The following TRAPPC9 variants were observed in gnomAD, a reference collection of about 807,000 sequenced individuals.
TRAPPC9 encodes the protein trafficking protein particle complex subunit 9, also known as IKK2 binding protein.
In TRAPPC9, 83 loss-of-function variants were observed where a neutral mutation model predicts 124.0. The observed-to-expected ratio is 0.67, with a 90% CI of 0.56 to 0.80. TRAPPC9 has a LOEUF of 0.80. Among genes scored for constraint, TRAPPC9 ranks in the 30% least tolerant of loss-of-function variants. TRAPPC9 has a pLI of 0.00. For missense variants in TRAPPC9, 1,302 were observed against 1,508.3 expected (o/e 0.86, Z 2.27); for synonymous variants, 638 against 617.5 (o/e 1.03, Z -0.49).
Position 139,988,713 on chromosome 8 carries a change from ATG to A in TRAPPC9, c.2810+11_2810+12del, listed in dbSNP as rs1196637085. The stretch of plus-strand genomic sequence containing the variant: ...GTGGCCTGCGGCGGCGCGAGGGTCT[ATG>A]GGACACTTACCGCTGGCACTCACCG... On this transcript the variant is annotated intron_variant, in intron 19 of 22. Transcript: ENST00000438773. The A allele has an allele frequency of 6.5e-7, 1 of 1,538,012 alleles. No homozygotes were observed. Among genetic ancestry groups the A allele is most frequent in the East Asian group, 2.4e-5 (1 of 40,842 alleles).
intron 11 of TRAPPC9, among the ~76,000 whole-genome samples, chr8:140,300,252 TAC>T (rs1317322369): frequency 2.1e-5 from 3 of 141,386 alleles, no homozygotes; most frequent in African/African-American, 3.2e-5. Flanking sequence ...CACGCATGCA[TAC>T]ACACATACAC....
At chr8:140,081,312 C>G (rs2129999570) in intron 17 of TRAPPC9, among the ~76,000 whole-genome samples, 1 of 151,660 alleles carries the variant, frequency 6.6e-6, no homozygotes, top group Non-Finnish European at 1.5e-5. Flanking sequence ...CAGTATTTTG[C>G]TCCACATAGT....
intron 17 of TRAPPC9, among the ~76,000 whole-genome samples, chr8:140,091,095 T>A (rs1252081912): frequency 6.6e-6 from 1 of 152,136 alleles, no homozygotes; most frequent in Non-Finnish European, 1.5e-5. Context: ...AAACCCTGGG[T>A]AAGAGATCAC....
At chr8:140,328,896 A>G (rs1377776181) in intron 9 of TRAPPC9, among the ~76,000 whole-genome samples, 1 of 152,090 alleles carries the variant, frequency 6.6e-6, no homozygotes, top group Admixed American at 6.6e-5. Flanking sequence ...ACTGAGGGTG[A>G]CGGCTTTGGG....
rs144889942 is a variant in TRAPPC9 at position 139,965,290 on chromosome 8, T to C, written c.2810+23436A>G. On this transcript the variant is annotated intron_variant, in intron 19 of 22. Coordinates refer to ENST00000438773, the MANE Select transcript of TRAPPC9 (RefSeq NM_001160372.4). ...GTCCTGTGTTTTCTGAAATGTGCCC[T>C]CTATAACTTGCAATGTTGGGAGATT... Among the ~76,000 whole-genome samples the C allele has an allele frequency of 3.3e-3, 507 of 152,312 alleles. 4 individuals carry two copies. Among genetic ancestry groups the C allele is most frequent in the African/African-American group, 0.012 (484 of 41,558 alleles).
chr8:139,767,211 G>A (rs1016490621), intron 21 of TRAPPC9, among the ~76,000 whole-genome samples: 8 of 152,304 alleles, frequency 5.3e-5, no homozygotes, highest in South Asian at 2.1e-4. Context: ...TCTGAGAGGC[G>A]TAGGGACTAG....
chr8:140,019,375 ATAT>A (rs765956629), intron 18 of TRAPPC9, among the ~76,000 whole-genome samples: 10 of 152,040 alleles, frequency 6.6e-5, no homozygotes, highest in Non-Finnish European at 1.0e-4. Flanking sequence ...TGTAAAGGTG[ATAT>A]TATTTCTTTC....
At position 140,453,878 on chromosome 8, in the gene TRAPPC9, C is replaced by G. The variant is rs1042746294; in HGVS notation, c.-10-2495G>C. Among the ~76,000 whole-genome samples, 5 of 152,306 alleles carry G rather than the reference C, an allele frequency of 3.3e-5. No homozygotes were observed. In the East Asian group the frequency reaches 9.6e-4, roughly 29 times the overall value. ...AAATACTGAGCGGGGGAGACTGGAG[C>G]GCTCATGTTTCTCAAAAGTAGGCAC... is the stretch of plus-strand genomic sequence containing the variant. On this transcript the variant is annotated intron_variant, in intron 1 of 22. Coordinates refer to ENST00000438773, the MANE Select transcript of TRAPPC9 (RefSeq NM_001160372.4).
At chr8:140,333,204 A>G (rs2066941290) in intron 9 of TRAPPC9, among the ~76,000 whole-genome samples, 1 of 152,188 alleles carries the variant, frequency 6.6e-6, no homozygotes, top group Non-Finnish European at 1.5e-5. Context: ...AGAAAACAAT[A>G]CAAAAGAAAT....
chr8:140,151,929 C>A lies in TRAPPC9; in HGVS notation c.2556+69530G>T, dbSNP rs560524342. ...GCTCAGCACCTCAGCCTCGACACAC[C>A]CCACACTGCTCTGGCATTCACTTTT... On this transcript the variant is annotated intron_variant, in intron 17 of 22. Coordinates refer to ENST00000438773, the MANE Select transcript of TRAPPC9 (RefSeq NM_001160372.4). 5.7e-4 allele frequency among the ~76,000 whole-genome samples: 87 copies of A among 152,236 alleles called. No homozygotes were observed. The South Asian group carries it at 0.017, about 30-fold the overall frequency.
intron 19 of TRAPPC9, among the ~76,000 whole-genome samples, chr8:139,967,491 G>A (rs1026865992): frequency 6.3e-4 from 96 of 152,298 alleles, no homozygotes; most frequent in African/African-American, 1.9e-3. Context: ...GCTAGGTGTC[G>A]GTACAGAGAG....
At chr8:139,768,749 G>A (rs990991118) in intron 21 of TRAPPC9, among the ~76,000 whole-genome samples, 9 of 152,118 alleles carry the variant, frequency 5.9e-5, no homozygotes, top group Admixed American at 1.3e-4. Context: ...ACTAACATAC[G>A]TGACACCTAG....
chr8:140,249,288 T>G (rs2064068087), intron 16 of TRAPPC9, among the ~76,000 whole-genome samples: 1 of 152,192 alleles, frequency 6.6e-6, no homozygotes, highest in Non-Finnish European at 1.5e-5. Flanking sequence ...GTATTTGCTT[T>G]TCTATTCCTG....
chr8:140,280,273 G>A (rs1452935736), intron 14 of TRAPPC9, among the ~76,000 whole-genome samples: 5 of 152,292 alleles, frequency 3.3e-5, no homozygotes, highest in Admixed American at 1.3e-4. Flanking sequence ...CAGGCTCGGC[G>A]GAAATCATGT....
chr8:139,932,534 A>C (rs1012970716), intron 19 of TRAPPC9: 1 of 455,492 alleles, frequency 2.2e-6, no homozygotes, highest in Non-Finnish European at 4.4e-6. Context: ...AGGCCGAGGC[A>C]GGTGGATTGC....
chr8:139,965,948 C>T (rs552179782), intron 19 of TRAPPC9, among the ~76,000 whole-genome samples: 1 of 152,354 alleles, frequency 6.6e-6, no homozygotes, highest in South Asian at 2.1e-4. Flanking sequence ...GCCACAAGGC[C>T]TTCCGGCACA....
At chr8:140,139,500 T>C (rs760846561) in intron 17 of TRAPPC9, among the ~76,000 whole-genome samples, 10 of 152,182 alleles carry the variant, frequency 6.6e-5, no homozygotes, top group Non-Finnish European at 1.0e-4. Flanking sequence ...TCCAGCATCC[T>C]TATATAACAG....
chr8:139,845,765 C>T (rs371813925), intron 21 of TRAPPC9, among the ~76,000 whole-genome samples: 3 of 152,230 alleles, frequency 2.0e-5, no homozygotes, highest in Non-Finnish European at 2.9e-5. Flanking sequence ...TTTAATGTGA[C>T]GGAGACCTGT....
At chr8:140,044,216 G>A (rs1841437821) in intron 17 of TRAPPC9, among the ~76,000 whole-genome samples, 1 of 151,432 alleles carries the variant, frequency 6.6e-6, no homozygotes, top group Non-Finnish European at 1.5e-5. Context: ...AACATTCACT[G>A]GGTGCCCCCC....
Sources: gnomAD v4.1 joint callset for allele counts (sites outside exome capture counted in the v4.1 genomes callset) on GRCh38, gnomAD v4.1.1 for gene constraint, MANE v1.5 for transcripts, NCBI Gene and HGNC (gene_info 2026-07-23, HGNC 2026-07-21) for gene names.